TBX4: variants seen among roughly 807,000 people sequenced by gnomAD.
The protein encoded by TBX4 is T-box transcription factor TBX4.
TBX4 carries 13 observed loss-of-function variants against 54.6 expected under a neutral mutation model. The observed-to-expected ratio is 0.24, with a 90% CI of 0.15 to 0.38. The LOEUF is 0.38. Among genes scored for constraint, TBX4 ranks in the 10% least tolerant of loss-of-function variants. The pLI, the probability that TBX4 is intolerant of heterozygous loss-of-function variation, is 1.00. For missense variants in TBX4, 631 were observed against 728.5 expected, an observed-to-expected ratio of 0.87 and a Z score of 1.54; for synonymous variants, 314 against 306.7, an observed-to-expected ratio of 1.02 and a Z score of -0.25.
chr17:61,470,355 A>T (rs2060568217), intron 5 of TBX4, among the ~76,000 whole-genome samples: 1 of 152,148 alleles, frequency 6.6e-6, no homozygotes, highest in African/African-American at 2.4e-5. Context: ...ATCATTCAAG[A>T]TTCCTTTCTT....
At position 61,457,590 on chromosome 17, in the gene TBX4, C is replaced by G; in HGVS notation, c.240C>G (p.Phe80Leu). The G allele has an allele frequency of 6.2e-7, 1 of 1,613,752 alleles. No individual in the cohort carries two copies. The highest frequency in any genetic ancestry group is 8.5e-7 in the Non-Finnish European group (1 of 1,179,942). Reference sequence around the variant, plus strand: ...ATGAGAAGGAGCTCTGGAAGAAGTTCCACGAGGCGGGCACCGAGATGATCA... The same window carrying G: ...ATGAGAAGGAGCTCTGGAAGAAGTTGCACGAGGCGGGCACCGAGATGATCA... ...GLHEKELWKK[F>L]HEAGTEMIIT... The change falls in exon 3 of 9, where the codon TTC becomes TTG. Residue 80 changes from phenylalanine (F) to leucine (L), a missense_variant. Physicochemically the swap from Phe to Leu is conservative, Grantham distance 22. This residue lies in a region of TBX4 where 123 missense variants were observed against 120.9 expected (regional missense o/e 1.02). Transcript: ENST00000644296. This position sits in a 1 kb window ranked among gnomAD's most constrained non-coding sequence, Gnocchi z 8.2.
rs983692151 is a variant in TBX4, at chr17:61,476,454, G to A, written c.550-2173G>A. On this transcript the variant is annotated intron_variant, in intron 5 of 8. Coordinates refer to ENST00000644296, the MANE Select transcript of TBX4 (RefSeq NM_001321120.2). The surrounding 1 kb of genome is among the most constrained non-coding windows in gnomAD (Gnocchi z 6.5). ...TTCCATTGCTGGATCTTCCGGGAAC[G>A]TGGGTCCTTTGTGGATGCCTGCAGC... Among the ~76,000 whole-genome samples the A allele has an allele frequency of 3.9e-5, 6 of 152,240 alleles. No homozygotes were observed. In the South Asian group the frequency reaches 8.3e-4, roughly 21 times the overall value.
rs1645974858 is a variant in TBX4 at position 61,481,253 on chromosome 17, G to A, written c.1021+934G>A. The A allele has an allele frequency of 6.6e-6, 1 of 151,156 alleles. No homozygotes were observed. Among genetic ancestry groups the A allele is most frequent in the Admixed American group, 6.6e-5 (1 of 15,192 alleles). 9.4% of individuals were successfully genotyped at this position (151,156 alleles called of 1,614,324 possible). A position where few individuals can be genotyped will look rare whatever the true frequency, so the allele number is the denominator to read the frequency against. On this transcript the variant is annotated intron_variant, in intron 8 of 8. Coordinates refer to ENST00000644296, the MANE Select transcript of TBX4 (RefSeq NM_001321120.2). The surrounding 1 kb of genome is among the most constrained non-coding windows in gnomAD (Gnocchi z 4.8). Reference sequence around the variant, plus strand: ...CAAAAGAATATTTCATGAGATGTGAGCATTATGTGAAATTAAAGTTTTAGT... The same window carrying A: ...CAAAAGAATATTTCATGAGATGTGAACATTATGTGAAATTAAAGTTTTAGT...
In TBX4 at chr17:61,472,913, G is replaced by A. The variant is rs374130688; in HGVS notation, c.549+5256G>A. 5.3e-5 allele frequency among the ~76,000 whole-genome samples: 8 copies of A among 151,916 alleles called. No individual in the cohort carries two copies. In the South Asian group the frequency reaches 1.7e-3, roughly 32 times the overall value. On this transcript the variant is annotated intron_variant, in intron 5 of 8. Coordinates refer to ENST00000644296, the MANE Select transcript of TBX4 (RefSeq NM_001321120.2). This position sits in a 1 kb window ranked among gnomAD's most constrained non-coding sequence, Gnocchi z 4.5. ...TAAATCCCTATATGAATGTGTGCCT[G>A]TTCACACGCCAGTCTTTTAACTGTT...
At chr17:61,473,373 C>T (rs928178815) in intron 5 of TBX4, among the ~76,000 whole-genome samples, 2 of 152,256 alleles carry the variant, frequency 1.3e-5, no homozygotes, top group African/African-American at 4.8e-5. Flanking sequence ...TGCCTAGCCA[C>T]CGTGTCTGGC....
rs2060650454 is a variant in TBX4, at chr17:61,479,839, G to T, written c.703-42G>T. ...CAAATGTGGAAACTGAGACACATTT[G>T]TGTGCCTCACACTGGTGACCCTATG... On this transcript the variant is annotated intron_variant, in intron 6 of 8. Coordinates refer to ENST00000644296, the MANE Select transcript of TBX4 (RefSeq NM_001321120.2). This position sits in a 1 kb window ranked among gnomAD's most constrained non-coding sequence, Gnocchi z 6.1. 1 of 1,580,636 alleles carries T rather than the reference G, an allele frequency of 6.3e-7. No individual in the cohort carries two copies. Among genetic ancestry groups the T allele is most frequent in the Non-Finnish European group, 8.7e-7 (1 of 1,149,418 alleles).
Position 61,475,475 on chromosome 17 carries a change from AAGT to A in TBX4, c.550-3149_550-3147del, listed in dbSNP as rs1382403513. On this transcript the variant is annotated intron_variant, in intron 5 of 8. Transcript: ENST00000644296. This position sits in a 1 kb window ranked among gnomAD's most constrained non-coding sequence, Gnocchi z 5.0. ...TGTGTTTCAGGAGGAAATGGAGAGA[AAGT>A]AGATGGAGGTAGGGGGAGGCTGTCC... Among the ~76,000 whole-genome samples, 1 of 152,166 alleles carries A rather than the reference AAGT, an allele frequency of 6.6e-6. No individual in the cohort carries two copies. Among genetic ancestry groups the A allele is most frequent in the African/African-American group, 2.4e-5 (1 of 41,434 alleles).
In TBX4 at chr17:61,474,233, T is replaced by C. The variant is rs527543155; in HGVS notation, c.550-4394T>C. ...GACATTAGCCACACTTTTGAGGGGC[T>C]AGCATCCAGATAACATGTGTTCTGT... On this transcript the variant is annotated intron_variant, in intron 5 of 8. Transcript: ENST00000644296. The surrounding 1 kb of genome is among the most constrained non-coding windows in gnomAD (Gnocchi z 4.6). Among the ~76,000 whole-genome samples the C allele has an allele frequency of 5.9e-5, 9 of 152,336 alleles. No homozygotes were observed. The highest frequency in any genetic ancestry group is 1.9e-4 in the African/African-American group (8 of 41,580).
chr17:61,459,223 T>C lies in TBX4; in HGVS notation c.281+1592T>C, dbSNP rs2060476949. Among the ~76,000 whole-genome samples the C allele has an allele frequency of 6.6e-6, 1 of 152,210 alleles. No individual in the cohort carries two copies. Among genetic ancestry groups the C allele is most frequent in the South Asian group, 2.1e-4 (1 of 4,830 alleles). On this transcript the variant is annotated intron_variant, in intron 3 of 8. Transcript: ENST00000644296. This position sits in a 1 kb window ranked among gnomAD's most constrained non-coding sequence, Gnocchi z 4.8. Reference sequence around the variant, plus strand: ...CCTGCCTCTTTCTGGCTGAGTGTACTTGGGCAAGTCACAGTCTCCTTGTAG... The same window carrying C: ...CCTGCCTCTTTCTGGCTGAGTGTACCTGGGCAAGTCACAGTCTCCTTGTAG...
chr17:61,477,355 G>A (rs538500825), intron 5 of TBX4, among the ~76,000 whole-genome samples: 1 of 152,368 alleles, frequency 6.6e-6, no homozygotes, highest in South Asian at 2.1e-4. Flanking sequence ...AGCAACTACT[G>A]TGAGCGGCCC....
At position 61,465,992 on chromosome 17, in the gene TBX4, G is replaced by T; in HGVS notation, c.401+54G>T. 6.2e-7 allele frequency: 1 copy of T among 1,609,408 alleles called. No homozygotes were observed. The highest frequency in any genetic ancestry group is 8.5e-7 in the Non-Finnish European group (1 of 1,177,034). Reference sequence around the variant, plus strand: ...GTTCCCTCAACTGCCCACTTGCCACGCCCCCACCTAGTGTTTTGTCCGGGG... The same window carrying T: ...GTTCCCTCAACTGCCCACTTGCCACTCCCCCACCTAGTGTTTTGTCCGGGG... On this transcript the variant is annotated intron_variant, in intron 4 of 8. Transcript: ENST00000644296. The surrounding 1 kb of genome is among the most constrained non-coding windows in gnomAD (Gnocchi z 4.9).
rs777880490 is a variant in TBX4 at position 61,456,514 on chromosome 17, C to A, written c.24C>A (p.Ser8=). 8.9e-6 allele frequency: 14 copies of A among 1,568,178 alleles called. No homozygotes were observed. Among genetic ancestry groups the A allele is most frequent in the Admixed American group, 3.7e-5 (2 of 53,414 alleles). The change falls in exon 2 of 9, where the codon TCC becomes TCA. Residue 8 remains serine (S), a synonymous_variant. Transcript: ENST00000644296. The stretch of plus-strand genomic sequence containing the variant: ...AGATGCTGCAGGATAAGGGCCTGTC[C>A]GAGAGCGAGGAGGCCTTCCGGGCCC... MLQDKGL[S]ESEEAFRAPG...
At position 61,482,926 on chromosome 17, in the gene TBX4, T is replaced by G. The variant is rs1197788756; in HGVS notation, c.1051T>G (p.Cys351Gly). Reference sequence around the variant, plus strand: ...CGGTACCCGCCACCTGGACTTACCTTGCAAGCGATCCTATCTGGAAGCCCC... The same window carrying G: ...CGGTACCCGCCACCTGGACTTACCTGGCAAGCGATCCTATCTGGAAGCCCC... ...ADGTRHLDLP[C>G]KRSYLEAPSS... The change falls in exon 9 of 9, where the codon TGC becomes GGC. Residue 351 changes from cysteine to glycine, a missense_variant. Transcript: ENST00000644296. The G allele has an allele frequency of 6.8e-6, 11 of 1,613,770 alleles. No individual in the cohort carries two copies. Among genetic ancestry groups the G allele is most frequent in the Non-Finnish European group, 9.3e-6 (11 of 1,179,934 alleles).
At chr17:61,470,036 C>A (rs767936003) in intron 5 of TBX4, among the ~76,000 whole-genome samples, 8 of 152,182 alleles carry the variant, frequency 5.3e-5, no homozygotes, top group Non-Finnish European at 8.8e-5. Context: ...GGAGCTTGAG[C>A]AGCTGCCTCC....
intron 1 of TBX4, among the ~76,000 whole-genome samples, chr17:61,454,647 T>C (rs2060434209): frequency 6.6e-6 from 1 of 152,212 alleles, no homozygotes; most frequent in African/African-American, 2.4e-5. Context: ...GGGAGAGCAC[T>C]GAGCAGGCCT....
Position 61,454,193 on chromosome 17 carries a change from C to T in TBX4, c.-4+1616C>T, listed in dbSNP as rs533627755. 1.1e-4 allele frequency among the ~76,000 whole-genome samples: 17 copies of T among 152,270 alleles called. No individual in the cohort carries two copies. In the South Asian group the frequency reaches 3.3e-3, roughly 30 times the overall value. On this transcript the variant is annotated intron_variant, in intron 1 of 8. Coordinates refer to ENST00000644296, the MANE Select transcript of TBX4 (RefSeq NM_001321120.2). ...CGCGATAGGATATTCTCAAAGTTCC[C>T]GAACTGATCAAAATACTACTATGGT...
At chr17:61,467,941 C>T (rs758595) in intron 5 of TBX4, among the ~76,000 whole-genome samples, 151,815 of 152,344 alleles carry the variant, frequency 1, 75,645 homozygotes, top group Middle Eastern at 1. Context: ...CCTTTCATGG[C>T]TGTGAGACTT....
At position 61,474,298 on chromosome 17, in the gene TBX4, T is replaced by G. The variant is rs570600043; in HGVS notation, c.550-4329T>G. ...GCTGACCCAAGTCCCTTACAGTGTTTAATTGGCACCTTCTCATTAACTCTG... is the reference window on the plus strand; with the variant it reads ...GCTGACCCAAGTCCCTTACAGTGTTGAATTGGCACCTTCTCATTAACTCTG... On this transcript the variant is annotated intron_variant, in intron 5 of 8. Transcript: ENST00000644296. This position sits in a 1 kb window ranked among gnomAD's most constrained non-coding sequence, Gnocchi z 4.6. Among the ~76,000 whole-genome samples, 60 of 152,344 alleles carry G rather than the reference T, an allele frequency of 3.9e-4. No homozygotes were observed. The highest frequency in any genetic ancestry group is 1.4e-3 in the African/African-American group (57 of 41,584).
rs1569036180 is a variant in TBX4 at position 61,464,587 on chromosome 17, C to T, written c.282-1232C>T. Among the ~76,000 whole-genome samples the T allele has an allele frequency of 2.0e-5, 3 of 152,172 alleles. No individual in the cohort carries two copies. Among genetic ancestry groups the T allele is most frequent in the Admixed American group, 6.5e-5 (1 of 15,284 alleles). On this transcript the variant is annotated intron_variant, in intron 3 of 8. Transcript: ENST00000644296. This position sits in a 1 kb window ranked among gnomAD's most constrained non-coding sequence, Gnocchi z 5.8. ...GGCACAGCTCAGTGGGGCTTAGTGT[C>T]TTCACTGTGTCTTCAGCTAGGTTTG...
Sources: allele counts gnomAD v4.1 joint callset (sites outside exome capture counted in the v4.1 genomes callset), GRCh38; gene constraint gnomAD v4.1.1; regional missense constraint gnomAD v4.1.1; non-coding constraint Gnocchi (gnomAD v3.1); transcripts MANE v1.5; gene names NCBI Gene and HGNC (gene_info 2026-07-23, HGNC 2026-07-21).